GNAL: variants seen among roughly 807,000 people sequenced by gnomAD.
GNAL encodes the protein guanine nucleotide-binding protein G(olf) subunit alpha.
Under a neutral mutation model 55.1 loss-of-function variants are expected in GNAL, and 18 were observed. The ratio of observed to expected loss-of-function variants is 0.33; its 90% CI spans 0.23 to 0.48. The LOEUF (loss-of-function observed/expected upper bound fraction) is 0.48. Ranked by LOEUF, GNAL falls within the 20% of genes least tolerant of loss-of-function variation. GNAL has a pLI of 0.99. For missense variants in GNAL, 412 were observed against 614.1 expected (o/e 0.67, Z 3.48); for synonymous variants, 253 against 237.0 (o/e 1.07, Z -0.62).
At chr18:11,860,466 C>G (rs1598434648) in intron 5 of GNAL, among the ~76,000 whole-genome samples, 1 of 152,220 alleles carries the variant, frequency 6.6e-6, no homozygotes, top group Non-Finnish European at 1.5e-5. Context: ...AAGAACTTCC[C>G]TCTTTCCCAT....
intron 5 of GNAL, among the ~76,000 whole-genome samples, chr18:11,834,462 G>A (rs1337094058): frequency 1.3e-5 from 2 of 152,206 alleles, no homozygotes; most frequent in African/African-American, 4.8e-5. Flanking sequence ...GCTCACGCCT[G>A]TAATTCCAGC....
Position 11,752,986 on chromosome 18 carries a change from CA to C in GNAL, c.449+65del. 1.1e-6 allele frequency: 1 copy of C among 947,232 alleles called. No homozygotes were observed. The highest frequency in any genetic ancestry group is 1.7e-6 in the Non-Finnish European group (1 of 589,634). 58.7% of individuals were successfully genotyped at this position (947,232 alleles called of 1,614,324 possible). On this transcript the variant is annotated intron_variant, in intron 2 of 11. Transcript: ENST00000334049. The surrounding 1 kb of genome is among the most constrained non-coding windows in gnomAD (Gnocchi z 4.5). ...AACTTCGTCTCTCTCCCAGACGTCC[CA>C]AAAGTGCTTTCTCTAAACAATTTTA...
chr18:11,727,068 T>G (rs965460146), intron 1 of GNAL, among the ~76,000 whole-genome samples: 4 of 152,014 alleles, frequency 2.6e-5, no homozygotes, highest in Non-Finnish European at 4.4e-5. Context: ...CCAGCCCTAG[T>G]CCGCGCTGGG....
At chr18:11,742,349 C>G (rs1042061567) in intron 1 of GNAL, among the ~76,000 whole-genome samples, 1 of 151,020 alleles carries the variant, frequency 6.6e-6, no homozygotes, top group Non-Finnish European at 1.5e-5. Context: ...ATTGAATGAT[C>G]GTCATAATTA....
At chr18:11,804,002 GAGCAGTTTGAGTGGAACACGGAGA>G in intron 4 of GNAL, among the ~76,000 whole-genome samples, 1 of 150,806 alleles carries the variant, frequency 6.6e-6, no homozygotes, top group African/African-American at 2.4e-5. Context: ...TGAAGTACAG[GAGCAGTTTGAGTGGAACACGGAGA>G]TACTGTGTAG....
At chr18:11,717,975 T>C (rs1404438769) in intron 1 of GNAL, among the ~76,000 whole-genome samples, 1 of 152,186 alleles carries the variant, frequency 6.6e-6, no homozygotes, top group Non-Finnish European at 1.5e-5. Context: ...TAAGCAAACA[T>C]GCTAAACAAG....
At chr18:11,877,420 A>C (rs903841497) in intron 11 of GNAL, among the ~76,000 whole-genome samples, 3 of 152,192 alleles carry the variant, frequency 2.0e-5, no homozygotes, top group African/African-American at 7.2e-5. Context: ...ACACCACTGC[A>C]CTCCAGCCTG....
chr18:11,768,999 A>G lies in GNAL; in HGVS notation c.624+15054A>G, dbSNP rs1194973219. ...TATATTATATATTCTATATTATAAT[A>G]TAGAATATATATATTCTATATTATA... On this transcript the variant is annotated intron_variant, in intron 4 of 11. Coordinates refer to ENST00000334049, the MANE Select transcript of GNAL (RefSeq NM_182978.4). Among the ~76,000 whole-genome samples the G allele has an allele frequency of 1.2e-4, 12 of 104,024 alleles. 5 individuals carry two copies. Among genetic ancestry groups the G allele is most frequent in the African/African-American group, 6.8e-4 (12 of 17,678 alleles). 68.2% of individuals were successfully genotyped at this position (104,024 alleles called of 152,430 possible). A position where few individuals can be genotyped will look rare whatever the true frequency, so the allele number is the denominator to read the frequency against.
chr18:11,816,986 C>A (rs531714952), intron 4 of GNAL, among the ~76,000 whole-genome samples: 19 of 152,012 alleles, frequency 1.2e-4, no homozygotes, highest in African/African-American at 4.3e-4. Flanking sequence ...GTGGTTGGGG[C>A]CTGGGGTGGT....
intron 11 of GNAL, among the ~76,000 whole-genome samples, chr18:11,879,782 A>C (rs2036619155): frequency 6.6e-6 from 1 of 152,134 alleles, no homozygotes; most frequent in African/African-American, 2.4e-5. Flanking sequence ...ATGATTCGTA[A>C]TGTCTAACCC....
chr18:11,805,003 C>A (rs1357667730), intron 4 of GNAL, among the ~76,000 whole-genome samples: 1 of 147,870 alleles, frequency 6.8e-6, no homozygotes, highest in Non-Finnish European at 1.5e-5. Context: ...TGGTGAAGTA[C>A]AGATGCAGTT....
At chr18:11,787,872 T>C (rs2034105222) in intron 4 of GNAL, among the ~76,000 whole-genome samples, 2 of 116,786 alleles carry the variant, frequency 1.7e-5, no homozygotes, top group African/African-American at 4.0e-5. Context: ...AGACTCCATC[T>C]CAAAAAAAAA....
intron 4 of GNAL, among the ~76,000 whole-genome samples, chr18:11,789,030 A>C (rs1184407964): frequency 1.3e-5 from 2 of 150,974 alleles, no homozygotes; most frequent in African/African-American, 4.9e-5. Flanking sequence ...TTGATACCAC[A>C]AGTTCCATCT....
chr18:11,855,559 G>A (rs1272517936), intron 5 of GNAL, among the ~76,000 whole-genome samples: 3 of 152,078 alleles, frequency 2.0e-5, no homozygotes, highest in Admixed American at 6.6e-5. Context: ...TGCTGCTGGG[G>A]AATTTTCTTA....
chr18:11,884,263 T>C lies in GNAL; in HGVS notation c.*3128T>C, dbSNP rs578044518. The stretch of plus-strand genomic sequence containing the variant: ...TTTGTTGTAGAGTACCTGTCCACTT[T>C]TATAGCATGAGAACAGTACAATCAA... On this transcript the variant is annotated 3_prime_UTR_variant, in exon 12 of 12. Coordinates refer to ENST00000334049, the MANE Select transcript of GNAL (RefSeq NM_182978.4). The C allele has an allele frequency of 8.3e-6, 5 of 605,660 alleles. No homozygotes were observed. Among genetic ancestry groups the C allele is most frequent in the East Asian group, 2.8e-5 (1 of 36,358 alleles). The allele number at this position is 605,660 out of a possible 1,614,324, so 37.5% of individuals were successfully genotyped here. A position where few individuals can be genotyped will look rare whatever the true frequency, so the allele number is the denominator to read the frequency against.
chr18:11,788,910 AAAAAAT>A (rs1382721524), intron 4 of GNAL, among the ~76,000 whole-genome samples: 2 of 73,368 alleles, frequency 2.7e-5, no homozygotes, highest in Admixed American at 1.6e-4. Context: ...AAAAAAAAAA[AAAAAAT>A]ATATATATAT....
intron 4 of GNAL, among the ~76,000 whole-genome samples, chr18:11,786,436 CTTTTTTTTT>C (rs66803403): frequency 6.1e-4 from 37 of 60,614 alleles, no homozygotes; most frequent in Non-Finnish European, 9.9e-4. Flanking sequence ...CATACGTTTT[CTTTTTTTTT>C]TTTTTTTTTT....
At chr18:11,877,059 A>G (rs1050053483) in intron 11 of GNAL, among the ~76,000 whole-genome samples, 6 of 152,242 alleles carry the variant, frequency 3.9e-5, no homozygotes, top group Non-Finnish European at 8.8e-5. Flanking sequence ...TGGTTTATGT[A>G]AAAATGGATG....
chr18:11,731,422 T>C (rs2032337874), intron 1 of GNAL, among the ~76,000 whole-genome samples: 1 of 152,252 alleles, frequency 6.6e-6, no homozygotes. Flanking sequence ...GTGCTGGGAT[T>C]ACAGGCGTGA....
Sources: allele counts gnomAD v4.1 joint callset (sites outside exome capture counted in the v4.1 genomes callset), GRCh38; gene constraint gnomAD v4.1.1; non-coding constraint Gnocchi (gnomAD v3.1); transcripts MANE v1.5; gene names NCBI Gene and HGNC (gene_info 2026-07-23, HGNC 2026-07-21).